ATP2C1: variants seen among roughly 807,000 people sequenced by gnomAD.
ATP2C1 encodes calcium-transporting ATPase type 2C member 1.
In ATP2C1, 31 loss-of-function variants were observed where a neutral mutation model predicts 120.5. That is an observed-to-expected ratio of 0.26 (90% CI 0.19 to 0.35). The LOEUF (loss-of-function observed/expected upper bound fraction) is 0.35. Ranked by LOEUF, ATP2C1 falls within the 10% of genes least tolerant of loss-of-function variation. ATP2C1 has a pLI of 1.00. For synonymous variants in ATP2C1, 351 were observed against 358.7 expected (o/e 0.98, Z 0.24); for missense variants, 731 against 1,107.5 (o/e 0.66, Z 4.83).
intron 2 of ATP2C1, among the ~76,000 whole-genome samples, chr3:130,918,020 G>A (rs961093813): frequency 6.6e-6 from 1 of 151,778 alleles, no homozygotes; most frequent in African/African-American, 2.4e-5. Context: ...TAAAAGAAAT[G>A]GTTCCCAAAA....
At chr3:130,916,179 G>A (rs902933136) in intron 2 of ATP2C1, among the ~76,000 whole-genome samples, 12 of 151,702 alleles carry the variant, frequency 7.9e-5, no homozygotes, top group Non-Finnish European at 1.3e-4. Context: ...GCTGAGGTGG[G>A]TGGATTGCCT....
At chr3:130,909,401 G>A (rs189179056) in intron 2 of ATP2C1, among the ~76,000 whole-genome samples, 102 of 152,302 alleles carry the variant, frequency 6.7e-4, no homozygotes, top group African/African-American at 2.4e-3. Flanking sequence ...AATATTTGAA[G>A]ATACCTGTCA....
chr3:130,895,737 A>G (rs576069331), intron 2 of ATP2C1, among the ~76,000 whole-genome samples: 9 of 152,302 alleles, frequency 5.9e-5, no homozygotes, highest in Non-Finnish European at 1.3e-4. Flanking sequence ...TGAGAATGTA[A>G]GCTTGATTGT....
At chr3:130,905,610 C>G (rs2058085582) in intron 2 of ATP2C1, among the ~76,000 whole-genome samples, 1 of 152,030 alleles carries the variant, frequency 6.6e-6, no homozygotes, top group Admixed American at 6.6e-5. Context: ...TCATCCCTGC[C>G]TAAGGGTTAT....
chr3:130,962,023 A>G (rs892897717), intron 12 of ATP2C1, among the ~76,000 whole-genome samples: 1 of 152,068 alleles, frequency 6.6e-6, no homozygotes, highest in Non-Finnish European at 1.5e-5. Flanking sequence ...ATTCTGCAGC[A>G]AGGACTCTAT....
At chr3:130,876,661 G>A (rs574286152) in intron 1 of ATP2C1, among the ~76,000 whole-genome samples, 45 of 152,128 alleles carry the variant, frequency 3.0e-4, no homozygotes, top group East Asian at 9.6e-4. Flanking sequence ...GAAGAATGTC[G>A]TTGGTATTTT....
chr3:130,978,267 T>C (rs893558321), intron 18 of ATP2C1, among the ~76,000 whole-genome samples: 2 of 152,266 alleles, frequency 1.3e-5, no homozygotes, highest in Admixed American at 6.5e-5. Flanking sequence ...AATTACTTGC[T>C]TTTAACCTTG....
intron 1 of ATP2C1, among the ~76,000 whole-genome samples, chr3:130,882,920 T>C (rs954139865): frequency 4.6e-5 from 7 of 152,222 alleles, no homozygotes; most frequent in South Asian, 2.1e-4. Flanking sequence ...TTGAGTAGCA[T>C]TGGTATTAGT....
chr3:131,006,228 C>T (rs139859798), downstream of ATP2C1, among the ~76,000 whole-genome samples: 525 of 152,290 alleles, frequency 3.4e-3, 1 homozygote, highest in African/African-American at 0.012. Flanking sequence ...TCTCCTGCCT[C>T]AGCCTCCCGA....
Position 130,967,404 on chromosome 3 carries a change from T to G in ATP2C1, c.1293T>G (p.Ile431Met), listed in dbSNP as rs768997202. The G allele has an allele frequency of 1.2e-6, 2 of 1,613,706 alleles. No homozygotes were observed. Among genetic ancestry groups the G allele is most frequent in the South Asian group, 2.2e-5 (2 of 91,070 alleles). The stretch of plus-strand genomic sequence containing the variant: ...GGAAGCCAACAGAAGGGGCCTTAAT[T>G]GCTCTTGCAATGAAGGTACGTACCT... Reference protein sequence around the residue: ...LMGKPTEGALIALAMKMGLDG... With the variant: ...LMGKPTEGALMALAMKMGLDG... The change falls in exon 16 of 28, where the codon ATT becomes ATG. Residue 431 changes from isoleucine (I) to methionine (M), a missense_variant. Ile to Met is a conservative substitution (Grantham distance 10). Coordinates refer to ENST00000510168, the MANE Select transcript of ATP2C1 (RefSeq NM_001378687.1).
At chr3:130,853,105 T>A (rs1347335376) in intron 1 of ATP2C1, among the ~76,000 whole-genome samples, 1 of 152,206 alleles carries the variant, frequency 6.6e-6, no homozygotes, top group Admixed American at 6.5e-5. Flanking sequence ...ATCACATTAT[T>A]AGAGTTTATT....
upstream of ATP2C1, among the ~76,000 whole-genome samples, chr3:130,889,840 C>A (rs1208701421): frequency 6.6e-6 from 1 of 151,866 alleles, no homozygotes; most frequent in Non-Finnish European, 1.5e-5. Flanking sequence ...AAGACAGGAT[C>A]TCACTATGTG....
chr3:130,941,281 CACGCGCGCA>C (rs2059907049), intron 7 of ATP2C1, among the ~76,000 whole-genome samples: 1 of 145,592 alleles, frequency 6.9e-6, no homozygotes, highest in African/African-American at 2.7e-5. Context: ...TGTGTGCGCG[CACGCGCGCA>C]TGCATGCGCG....
At chr3:130,909,018 T>A (rs991866420) in intron 2 of ATP2C1, among the ~76,000 whole-genome samples, 3 of 152,226 alleles carry the variant, frequency 2.0e-5, no homozygotes, top group African/African-American at 4.8e-5. Context: ...AATATTTAAT[T>A]CTTTAAGTAC....
intron 1 of ATP2C1, among the ~76,000 whole-genome samples, chr3:130,854,718 G>C (rs1235934363): frequency 2.0e-5 from 3 of 152,154 alleles, no homozygotes; most frequent in African/African-American, 7.2e-5. Context: ...GGCTACATAT[G>C]GGTGCTAGCA....
chr3:130,877,467 G>A (rs1422005079), intron 1 of ATP2C1, among the ~76,000 whole-genome samples: 2 of 152,086 alleles, frequency 1.3e-5, no homozygotes, highest in Non-Finnish European at 2.9e-5. Flanking sequence ...CCCCATCAAA[G>A]AGTGGGCAAA....
At chr3:131,013,862 G>T in intron 26 of ATP2C1, 1 of 496,512 alleles carries the variant, frequency 2.0e-6, no homozygotes, top group Non-Finnish European at 3.5e-6. Flanking sequence ...AACATATTTA[G>T]AAATACAGAA....
chr3:131,001,781 T>C lies in ATP2C1; in HGVS notation c.*431T>C. 1.0e-6 allele frequency: 1 copy of C among 984,548 alleles called. No homozygotes were observed. Among genetic ancestry groups the C allele is most frequent in the Non-Finnish European group, 1.2e-6 (1 of 828,646 alleles). 61.0% of individuals were successfully genotyped at this position (984,548 alleles called of 1,614,324 possible). On this transcript the variant is annotated 3_prime_UTR_variant, in exon 28 of 28. Coordinates refer to ENST00000510168, the MANE Select transcript of ATP2C1 (RefSeq NM_001378687.1). ...AAATTTAATCATTTCAAAGGCATTC[T>C]ATTTGGTTTAGAAGTTGATTCCCAG...
chr3:130,971,498 C>T (rs1446369905), intron 17 of ATP2C1, among the ~76,000 whole-genome samples: 1 of 152,090 alleles, frequency 6.6e-6, no homozygotes, highest in Non-Finnish European at 1.5e-5. Flanking sequence ...ACTTCAGTGG[C>T]TCAGATAGTT....
Sources: allele counts gnomAD v4.1 joint callset (sites outside exome capture counted in the v4.1 genomes callset), GRCh38; gene constraint gnomAD v4.1.1; transcripts MANE v1.5; gene names NCBI Gene and HGNC (gene_info 2026-07-23, HGNC 2026-07-21).